DLGAP1: variants seen among roughly 807,000 people sequenced by gnomAD.
DLGAP1 encodes DLG associated protein 1, also known as disks large-associated protein 1.
In DLGAP1, 11 loss-of-function variants were observed where a neutral mutation model predicts 90.8. The ratio of observed to expected loss-of-function variants is 0.12; its 90% CI spans 0.08 to 0.20. The LOEUF (loss-of-function observed/expected upper bound fraction) is 0.20. Ranked by LOEUF, DLGAP1 falls within the 10% of genes least tolerant of loss-of-function variation. The probability of loss-of-function intolerance (pLI) is 1.00; values close to 1 mark genes in which losing one functional copy is unlikely to be tolerated. For missense variants in DLGAP1, 1,050 were observed against 1,333.8 expected (o/e 0.79, Z 3.31); for synonymous variants, 558 against 540.7 (o/e 1.03, Z -0.44).
chr18:3,762,615 T>A (rs946128028), intron 5 of DLGAP1, among the ~76,000 whole-genome samples: 2 of 152,246 alleles, frequency 1.3e-5, no homozygotes, highest in Non-Finnish European at 2.9e-5. Flanking sequence ...TCTTTTGATG[T>A]TGGTTTTCTT....
chr18:4,315,461 C>T (rs1305405041), intron 1 of DLGAP1, among the ~76,000 whole-genome samples: 1 of 152,132 alleles, frequency 6.6e-6, no homozygotes, highest in African/African-American at 2.4e-5. Context: ...TATATTTTAA[C>T]CACTCTCAAA....
chr18:4,238,199 C>T (rs1043114655), intron 1 of DLGAP1, among the ~76,000 whole-genome samples: 20 of 152,128 alleles, frequency 1.3e-4, no homozygotes, highest in Admixed American at 1.0e-3. Flanking sequence ...AAAGATAATG[C>T]TATTTTCTTC....
At chr18:3,600,897 TATATAGATATATAGATAG>T (rs2056941412) in intron 7 of DLGAP1, among the ~76,000 whole-genome samples, 1 of 127,200 alleles carries the variant, frequency 7.9e-6, no homozygotes, top group Admixed American at 8.2e-5. Flanking sequence ...TATATAGATA[TATATAGATATATAGATAG>T]ATATAGATAT....
chr18:4,381,292 T>C (rs2082111601), intron 1 of DLGAP1, among the ~76,000 whole-genome samples: 1 of 152,122 alleles, frequency 6.6e-6, no homozygotes, highest in East Asian at 1.9e-4. Flanking sequence ...ACATAAAAAA[T>C]GAACAATCTG....
chr18:3,983,259 T>C (rs1417562763), intron 3 of DLGAP1: 1 of 151,422 alleles, frequency 6.6e-6, no homozygotes, highest in Non-Finnish European at 1.5e-5. Flanking sequence ...ATGATAATTA[T>C]AGTGATTGCC....
chr18:3,913,903 T>C (rs935116333), intron 3 of DLGAP1, among the ~76,000 whole-genome samples: 2 of 152,206 alleles, frequency 1.3e-5, no homozygotes, highest in African/African-American at 4.8e-5. Context: ...CTGAACTAAA[T>C]GACAAATGGG....
intron 2 of DLGAP1, among the ~76,000 whole-genome samples, chr18:4,086,920 T>C (rs1248475984): frequency 6.6e-6 from 1 of 151,384 alleles, no homozygotes; most frequent in Non-Finnish European, 1.5e-5. Flanking sequence ...TTCTATTAGT[T>C]TTTGCTTTAT....
At chr18:3,674,385 G>A (rs1645889755) in intron 7 of DLGAP1, among the ~76,000 whole-genome samples, 1 of 151,214 alleles carries the variant, frequency 6.6e-6, no homozygotes, top group African/African-American at 2.4e-5. Context: ...TTGGGAGGCT[G>A]CGGTGAGACA....
chr18:4,006,901 G>A (rs771098575), intron 2 of DLGAP1, among the ~76,000 whole-genome samples: 14 of 152,024 alleles, frequency 9.2e-5, no homozygotes, highest in Non-Finnish European at 1.6e-4. Context: ...TCCTACCTCG[G>A]CCTACTAAAG....
At chr18:4,114,898 A>T (rs1487880034) in intron 2 of DLGAP1, among the ~76,000 whole-genome samples, 1 of 152,078 alleles carries the variant, frequency 6.6e-6, no homozygotes, top group Non-Finnish European at 1.5e-5. Flanking sequence ...TTATTTTTCC[A>T]GTCTGATAGT....
At chr18:4,351,277 C>G (rs1415821233) in intron 1 of DLGAP1, among the ~76,000 whole-genome samples, 1 of 152,288 alleles carries the variant, frequency 6.6e-6, no homozygotes, top group East Asian at 1.9e-4. Context: ...TGGAAAATGT[C>G]ACTGGGCTTT....
In DLGAP1 at chr18:4,215,461, C is replaced by A. The variant is rs117124103; in HGVS notation, c.-266-64174G>T. On this transcript the variant is annotated intron_variant, in intron 1 of 12. Transcript: ENST00000315677. ...GAGTCTCATTCTTTGAACGGCGTAT[C>A]TCATATGATCCAGGTTTCTGTCAGC... 1.3e-3 allele frequency among the ~76,000 whole-genome samples: 195 copies of A among 152,212 alleles called. 7 individuals carry two copies. In the East Asian group the frequency reaches 0.035, roughly 27 times the overall value.
intron 5 of DLGAP1, among the ~76,000 whole-genome samples, chr18:3,795,428 G>A (rs1489589963): frequency 2.6e-5 from 4 of 152,014 alleles, no homozygotes; most frequent in Non-Finnish European, 4.4e-5. Context: ...CGATTCTCCT[G>A]CCTCAGCCTC....
intron 2 of DLGAP1, among the ~76,000 whole-genome samples, chr18:4,059,808 A>T (rs988025018): frequency 1.3e-5 from 2 of 152,206 alleles, no homozygotes; most frequent in Admixed American, 1.3e-4. Flanking sequence ...TCCTCAAATT[A>T]GCTTCTTCAG....
intron 2 of DLGAP1, among the ~76,000 whole-genome samples, chr18:4,049,396 G>A (rs1003064858): frequency 3.3e-5 from 5 of 151,978 alleles, no homozygotes; most frequent in Non-Finnish European, 7.4e-5. Context: ...GGGGCTTCCC[G>A]TCTCCTCCTC....
At chr18:4,348,113 C>T (rs2081333616) in intron 1 of DLGAP1, among the ~76,000 whole-genome samples, 2 of 152,044 alleles carry the variant, frequency 1.3e-5, no homozygotes, top group South Asian at 4.1e-4. Context: ...TTACTCCAAG[C>T]CCAAAGACAA....
At chr18:4,120,897 G>C (rs1275695955) in intron 2 of DLGAP1, among the ~76,000 whole-genome samples, 1 of 152,090 alleles carries the variant, frequency 6.6e-6, no homozygotes, top group African/African-American at 2.4e-5. Flanking sequence ...TAGATACTGG[G>C]CTAGGCTAGC....
intron 1 of DLGAP1, among the ~76,000 whole-genome samples, chr18:4,349,585 T>A (rs1366693637): frequency 6.6e-6 from 1 of 152,136 alleles, no homozygotes; most frequent in East Asian, 1.9e-4. Context: ...CAAAGTTTAC[T>A]GTTCTGCATC....
At chr18:3,516,766 T>C (rs1038218891) in intron 10 of DLGAP1, among the ~76,000 whole-genome samples, 2 of 152,156 alleles carry the variant, frequency 1.3e-5, no homozygotes, top group African/African-American at 4.8e-5. Flanking sequence ...TCATAAGACT[T>C]ATTCACTACC....
Sources: gnomAD v4.1 joint callset for allele counts (sites outside exome capture counted in the v4.1 genomes callset) on GRCh38, gnomAD v4.1.1 for gene constraint, MANE v1.5 for transcripts, NCBI Gene and HGNC (gene_info 2026-07-23, HGNC 2026-07-21) for gene names.